Variants in TMEM144 observed in about 807,000 individuals in gnomAD.
TMEM144 encodes transmembrane protein 144.
TMEM144 carries 39 observed loss-of-function variants against 43.6 expected under a neutral mutation model. The observed-to-expected ratio is 0.90, with a 90% CI of 0.69 to 1.17. The LOEUF (loss-of-function observed/expected upper bound fraction) is 1.17, where lower values mean the gene tolerates loss of function less well. Among genes scored for constraint, TMEM144 ranks in the 50% most tolerant of loss-of-function variants. TMEM144 has a pLI of 0.00. For synonymous variants in TMEM144, 154 were observed against 133.6 expected, an observed-to-expected ratio of 1.15 and a Z score of -1.06; for missense variants, 417 against 411.9, an observed-to-expected ratio of 1.01 and a Z score of -0.11.
intron 1 of TMEM144, chr4:158,210,823 C>T (rs1350429504): frequency 6.6e-6 from 1 of 152,012 alleles, no homozygotes; most frequent in Non-Finnish European, 1.5e-5. Context: ...CAGAACATAC[C>T]AAATACGAAT....
chr4:158,218,773 A>T (rs1014708202), intron 5 of TMEM144, among the ~76,000 whole-genome samples: 2 of 152,198 alleles, frequency 1.3e-5, no homozygotes, highest in Non-Finnish European at 2.9e-5. Context: ...ACTTTTATGT[A>T]TACTAACTCA....
At chr4:158,240,440 C>G (rs778185777) in intron 10 of TMEM144, 22 bp downstream of exon 10, 2 of 1,577,922 alleles carry the variant, frequency 1.3e-6, no homozygotes, top group African/African-American at 2.7e-5. Context: ...TACTACAGAT[C>G]TTCTTACTAT....
chr4:158,224,715 T>C (rs1450601701), intron 6 of TMEM144, among the ~76,000 whole-genome samples: 1 of 152,108 alleles, frequency 6.6e-6, no homozygotes, highest in Non-Finnish European at 1.5e-5. Flanking sequence ...GGAAAATGAG[T>C]TCTGCGATGA....
chr4:158,235,665 AAT>A (rs1735307456), intron 8 of TMEM144, 160 bp downstream of exon 8: 1 of 570,116 alleles, frequency 1.8e-6, no homozygotes, highest in South Asian at 4.1e-5. Context: ...TCCCCAGCTG[AAT>A]TTTAGGTACA....
chr4:158,218,099 T>A (rs1476625532), intron 5 of TMEM144, among the ~76,000 whole-genome samples: 1 of 152,196 alleles, frequency 6.6e-6, no homozygotes, highest in Non-Finnish European at 1.5e-5. Flanking sequence ...AGCGTTGTGT[T>A]GTCCAATAGT....
chr4:158,216,838 A>C (rs1275920894), intron 4 of TMEM144, among the ~76,000 whole-genome samples: 1 of 152,128 alleles, frequency 6.6e-6, no homozygotes, highest in Non-Finnish European at 1.5e-5. Flanking sequence ...ACAAAAAAAA[A>C]AAAATTATGT....
intron 11 of TMEM144, among the ~76,000 whole-genome samples, chr4:158,243,100 G>A (rs962856614): frequency 2.0e-5 from 3 of 152,184 alleles, no homozygotes; most frequent in Non-Finnish European, 4.4e-5. Context: ...GTTCTCTGAA[G>A]GGAAATGGAT....
chr4:158,226,367 T>C (rs989109609), intron 6 of TMEM144, among the ~76,000 whole-genome samples: 6 of 152,156 alleles, frequency 3.9e-5, no homozygotes, highest in Admixed American at 1.3e-4. Context: ...AGCAGGTTGG[T>C]GATTTAGGAA....
rs9992352 is a variant in TMEM144 at position 158,213,119 on chromosome 4, T to G, written c.109+343T>G. ...GATATATTAGAGAACAATGTAAGCA[T>G]AACAGATTTTTGGCTTGCTTATGTG... is the stretch of plus-strand genomic sequence containing the variant. On this transcript the variant is annotated intron_variant, in intron 3 of 12. Transcript: ENST00000296529. 1,450 of 328,534 alleles carry G rather than the reference T, an allele frequency of 4.4e-3. 14 individuals carry two copies. The highest frequency in any genetic ancestry group is 0.029 in the African/African-American group (1,366 of 46,596). 20.4% of individuals were successfully genotyped at this position (328,534 alleles called of 1,614,324 possible).
rs751863187 is a variant in TMEM144, at chr4:158,253,443, G to C, written c.955-1G>C. The stretch of plus-strand genomic sequence containing the variant: ...CACTGTTATTCTTTTTTCTTATTCA[G>C]GGTCTACAAAACTACCTATTAATGA... On this transcript the variant is annotated splice_acceptor_variant, in intron 12 of 12. Transcript: ENST00000296529. LOFTEE classifies it high-confidence loss of function. The C allele has an allele frequency of 4.3e-6, 7 of 1,610,026 alleles. No homozygotes were observed. The East Asian group carries it at 1.6e-4, about 36-fold the overall frequency.
rs1579096934 is a variant in TMEM144, at chr4:158,212,638, T to C, written c.-30T>C. On this transcript the variant is annotated 5_prime_UTR_variant, in exon 3 of 13. Coordinates refer to ENST00000296529, the MANE Select transcript of TMEM144 (RefSeq NM_018342.5). ...CCTGAAAAGTACATCAAGTCTAAAG[T>C]GAACCAGCTAACTCATTAAGACTGG... 6.6e-7 allele frequency: 1 copy of C among 1,522,314 alleles called. No individual in the cohort carries two copies. Among genetic ancestry groups the C allele is most frequent in the South Asian group, 1.2e-5 (1 of 82,336 alleles). The allele number at this position is 1,522,314 out of a possible 1,614,324, so 94.3% of individuals were successfully genotyped here.
intron 6 of TMEM144, among the ~76,000 whole-genome samples, chr4:158,228,545 C>T (rs191263160): frequency 2.0e-3 from 301 of 152,300 alleles, no homozygotes; most frequent in Admixed American, 3.7e-3. Flanking sequence ...GCCACTGCGT[C>T]GATCCTCCAC....
At chr4:158,248,266 C>CTAAAAAA (rs1389845693) in intron 12 of TMEM144, among the ~76,000 whole-genome samples, 1 of 151,892 alleles carries the variant, frequency 6.6e-6, no homozygotes, top group Non-Finnish European at 1.5e-5. Flanking sequence ...AACCCTGTCT[C>CTAAAAAA]TACAAAAATA....
chr4:158,222,332 A>G (rs1734549919), intron 6 of TMEM144, among the ~76,000 whole-genome samples: 1 of 152,178 alleles, frequency 6.6e-6, no homozygotes, highest in Admixed American at 6.5e-5. Context: ...CCCTTACAGT[A>G]CATCTATTCA....
intron 6 of TMEM144, among the ~76,000 whole-genome samples, chr4:158,224,686 A>G (rs1006442008): frequency 3.9e-5 from 6 of 152,192 alleles, no homozygotes; most frequent in Non-Finnish European, 8.8e-5. Flanking sequence ...AGTCCTTACT[A>G]TACAAGTCCA....
rs2111093503 is a variant in TMEM144, at chr4:158,210,572, C to G, written c.-197C>G. 6.6e-6 allele frequency: 1 copy of G among 152,404 alleles called. No individual in the cohort carries two copies. The highest frequency in any genetic ancestry group is 1.9e-4 in the East Asian group (1 of 5,188). The allele number at this position is 152,404 out of a possible 1,614,324, so 9.4% of individuals were successfully genotyped here. ...GCTGAGTAGGAAGGAGCTTCAGCCG[C>G]CAGCCCGGAACGCAGTGAGTACAGC... On this transcript the variant is annotated 5_prime_UTR_variant, in exon 1 of 13. Coordinates refer to ENST00000296529, the MANE Select transcript of TMEM144 (RefSeq NM_018342.5).
chr4:158,227,993 AC>A (rs1279503282), intron 6 of TMEM144, among the ~76,000 whole-genome samples: 16 of 152,220 alleles, frequency 1.1e-4, no homozygotes, highest in Admixed American at 4.6e-4. Context: ...CCACACACAC[AC>A]CACAAAGCAA....
In TMEM144 at chr4:158,230,394, G is replaced by A. The variant is rs531818821; in HGVS notation, c.414-2507G>A. Among the ~76,000 whole-genome samples the A allele has an allele frequency of 5.9e-5, 9 of 152,232 alleles. No homozygotes were observed. In the East Asian group the frequency reaches 1.7e-3, roughly 29 times the overall value. On this transcript the variant is annotated intron_variant, in intron 6 of 12. Transcript: ENST00000296529. The stretch of plus-strand genomic sequence containing the variant: ...CTAATTATCATTCTTTTTGATGTGA[G>A]CCTCTGATTGCTGCTGTTACTAGTT...
At chr4:158,212,377 T>C (rs1414645011) in intron 2 of TMEM144, among the ~76,000 whole-genome samples, 1 of 152,210 alleles carries the variant, frequency 6.6e-6, no homozygotes, top group East Asian at 1.9e-4. Flanking sequence ...TGTAATGTAC[T>C]AAAAATTTGT....
Sources: allele counts gnomAD v4.1 joint callset (sites outside exome capture counted in the v4.1 genomes callset), GRCh38; gene constraint gnomAD v4.1.1; transcripts MANE v1.5; gene names NCBI Gene and HGNC (gene_info 2026-07-23, HGNC 2026-07-21).